Variants in PCDH15 observed in about 807,000 individuals in gnomAD.
The protein encoded by PCDH15 is protocadherin-15.
Under a neutral mutation model 178.5 loss-of-function variants are expected in PCDH15, and 129 were observed. That is an observed-to-expected ratio of 0.72 (90% CI 0.63 to 0.84). The LOEUF is 0.84. PCDH15 is among the 40% of genes least tolerant of loss of function. PCDH15 has a pLI of 0.00. For synonymous variants in PCDH15, 800 were observed against 732.0 expected (o/e 1.09, Z -1.50); for missense variants, 2,230 against 2,099.9 (o/e 1.06, Z -1.21).
At chr10:54,001,386 A>G (rs1399627122) in intron 20 of PCDH15, among the ~76,000 whole-genome samples, 3 of 152,132 alleles carry the variant, frequency 2.0e-5, no homozygotes, top group Admixed American at 6.5e-5. Flanking sequence ...TTTTCAAGAC[A>G]TAGTAAAATA....
chr10:55,507,840 T>A (rs1171096713), intron 2 of PCDH15, among the ~76,000 whole-genome samples: 3 of 151,670 alleles, frequency 2.0e-5, no homozygotes, highest in Non-Finnish European at 4.4e-5. Flanking sequence ...ATAGCTGAGG[T>A]GTTTTTCTTA....
intron 8 of PCDH15, among the ~76,000 whole-genome samples, chr10:54,289,218 C>T (rs1050120001): frequency 3.3e-5 from 5 of 152,150 alleles, no homozygotes; most frequent in African/African-American, 1.2e-4. Flanking sequence ...CTGGTGATAC[C>T]TAGGCAAACA....
At chr10:53,821,754 T>G in intron 32 of PCDH15, 1 of 1,555,536 alleles carries the variant, frequency 6.4e-7, no homozygotes, top group Non-Finnish European at 8.6e-7. Flanking sequence ...TTTCATTGAA[T>G]TTGGGGTAAA....
chr10:54,270,996 A>T (rs960561430), intron 8 of PCDH15, among the ~76,000 whole-genome samples: 12 of 152,174 alleles, frequency 7.9e-5, no homozygotes, highest in African/African-American at 2.9e-4. Context: ...TTACCAACAT[A>T]TTATAGAAAG....
At chr10:54,777,268 C>T (rs542720261) in intron 1 of PCDH15, among the ~76,000 whole-genome samples, 2 of 152,194 alleles carry the variant, frequency 1.3e-5, no homozygotes, top group Non-Finnish European at 2.9e-5. Context: ...AATCATCGAG[C>T]GCTGGCTGCT....
chr10:54,887,585 A>G (rs1954380720), intron 3 of PCDH15, among the ~76,000 whole-genome samples: 1 of 152,134 alleles, frequency 6.6e-6, no homozygotes. Flanking sequence ...AGAGTAATGC[A>G]AAGTATTTTT....
At chr10:55,112,673 A>G (rs1837537981) in intron 2 of PCDH15, among the ~76,000 whole-genome samples, 1 of 152,182 alleles carries the variant, frequency 6.6e-6, no homozygotes, top group South Asian at 2.1e-4. Context: ...CCTTAACATG[A>G]TCCCATATGA....
intron 2 of PCDH15, among the ~76,000 whole-genome samples, chr10:55,102,858 G>T (rs1554830954): frequency 1.3e-5 from 2 of 151,770 alleles, no homozygotes; most frequent in African/African-American, 4.8e-5. Flanking sequence ...AAAAACTAGA[G>T]AAAAAAATGT....
chr10:54,751,716 A>G (rs960963285), intron 1 of PCDH15, among the ~76,000 whole-genome samples: 7 of 152,150 alleles, frequency 4.6e-5, no homozygotes, highest in African/African-American at 1.7e-4. Context: ...TTTTTTTCCA[A>G]ATGTTTATGT....
At chr10:54,295,698 AC>A (rs2059711855) in intron 8 of PCDH15, among the ~76,000 whole-genome samples, 1 of 152,186 alleles carries the variant, frequency 6.6e-6, no homozygotes, top group Admixed American at 6.5e-5. Flanking sequence ...AAGACCAAGA[AC>A]CCAGTGGAAG....
At chr10:54,945,335 TA>T (rs1326947387) in intron 2 of PCDH15, among the ~76,000 whole-genome samples, 4 of 135,958 alleles carry the variant, frequency 2.9e-5, no homozygotes, top group African/African-American at 1.0e-4. Flanking sequence ...GATAGATAGA[TA>T]GATAGATAGA....
chr10:54,762,862 A>G (rs1948063633), intron 1 of PCDH15, among the ~76,000 whole-genome samples: 1 of 152,214 alleles, frequency 6.6e-6, no homozygotes, highest in Admixed American at 6.5e-5. Flanking sequence ...ATGTGGCAAT[A>G]AAATGAAATA....
rs145197882 is a variant in PCDH15, at chr10:54,708,779, CGTGT to C, written c.-28-44493_-28-44490del. The stretch of plus-strand genomic sequence containing the variant: ...ATCACCCCAATGCAGGCCAGAATAA[CGTGT>C]GTGTGTGTGTGTGTGTGTGCGCGCG... On this transcript the variant is annotated intron_variant, in intron 1 of 37. Coordinates refer to ENST00000644397, the MANE Select transcript of PCDH15 (RefSeq NM_001384140.1). Among the ~76,000 whole-genome samples, 9 of 150,480 alleles carry C rather than the reference CGTGT, an allele frequency of 6.0e-5. No individual in the cohort carries two copies. In the South Asian group the frequency reaches 1.1e-3, roughly 18 times the overall value.
chr10:54,196,859 T>C (rs2133936284), intron 10 of PCDH15, among the ~76,000 whole-genome samples: 1 of 152,168 alleles, frequency 6.6e-6, no homozygotes, highest in East Asian at 1.9e-4. Flanking sequence ...AACCACCCTC[T>C]GTGAGGAAGT....
chr10:54,267,072 G>A (rs2057739657), intron 8 of PCDH15, among the ~76,000 whole-genome samples: 1 of 151,808 alleles, frequency 6.6e-6, no homozygotes, highest in African/African-American at 2.4e-5. Context: ...ACATCAAAAA[G>A]ATAATACAAT....
chr10:54,070,997 A>G (rs1018350423), intron 17 of PCDH15, among the ~76,000 whole-genome samples: 4 of 152,182 alleles, frequency 2.6e-5, no homozygotes, highest in African/African-American at 9.6e-5. Context: ...TCAATACACA[A>G]TGCATTATTT....
intron 13 of PCDH15, among the ~76,000 whole-genome samples, chr10:54,172,593 A>C (rs2047031455): frequency 6.6e-6 from 1 of 152,228 alleles, no homozygotes; most frequent in Non-Finnish European, 1.5e-5. Context: ...TTGATCAAAG[A>C]AATGTTTCAT....
chr10:54,195,933 T>G (rs1278067514), intron 10 of PCDH15, 44 bp from the exon 11 acceptor site: 1 of 1,563,670 alleles, frequency 6.4e-7, no homozygotes, highest in African/African-American at 1.4e-5. Flanking sequence ...GTATATGTCG[T>G]GCTATCTTTT....
intron 32 of PCDH15, chr10:53,821,711 C>G: frequency 6.8e-7 from 1 of 1,469,350 alleles, no homozygotes; most frequent in Non-Finnish European, 9.0e-7. Context: ...AGGTTAATAT[C>G]TTTTTAAATT....
Sources: gnomAD v4.1 joint callset for allele counts (sites outside exome capture counted in the v4.1 genomes callset) on GRCh38, gnomAD v4.1.1 for gene constraint, MANE v1.5 for transcripts, NCBI Gene and HGNC (gene_info 2026-07-23, HGNC 2026-07-21) for gene names.